WWOX: variants seen among roughly 807,000 people sequenced by gnomAD.
WWOX encodes WW domain containing oxidoreductase, also known as WW domain-containing oxidoreductase.
Under a neutral mutation model 46.2 loss-of-function variants are expected in WWOX, and 69 were observed. The ratio of observed to expected loss-of-function variants is 1.49; its 90% CI spans 1.23 to 1.82. The LOEUF (loss-of-function observed/expected upper bound fraction) is 1.82. WWOX is among the 40% of genes most tolerant of loss of function. WWOX has a pLI of 0.00. For missense variants in WWOX, 919 were observed against 542.6 expected (o/e 1.69, Z -6.89); for synonymous variants, 359 against 202.6 (o/e 1.77, Z -6.56).
intron 8 of WWOX, among the ~76,000 whole-genome samples, chr16:79,157,511 A>G (rs976140640): frequency 3.1e-4 from 47 of 152,194 alleles, no homozygotes; most frequent in African/African-American, 8.9e-4. Flanking sequence ...GTTGAAGTCA[A>G]TCACATCTCT....
At chr16:78,216,293 A>G (rs937675763) in intron 5 of WWOX, among the ~76,000 whole-genome samples, 2 of 152,208 alleles carry the variant, frequency 1.3e-5, no homozygotes, top group African/African-American at 2.4e-5. Flanking sequence ...GTAAATCAAC[A>G]CTTTGAACAC....
chr16:78,271,678 C>T (rs150350355), intron 5 of WWOX, among the ~76,000 whole-genome samples: 1,744 of 152,266 alleles, frequency 0.011, 37 homozygotes, highest in African/African-American at 0.04. Flanking sequence ...TTTATCTTTA[C>T]TTCCTGGTCA....
intron 8 of WWOX, among the ~76,000 whole-genome samples, chr16:79,161,040 G>A (rs145847561): frequency 2.0e-3 from 308 of 152,176 alleles, no homozygotes; most frequent in South Asian, 5.0e-3. Flanking sequence ...TCTGACTATG[G>A]CAACACTGCT....
At chr16:79,014,452 C>T (rs564626770) in intron 8 of WWOX, among the ~76,000 whole-genome samples, 7 of 152,242 alleles carry the variant, frequency 4.6e-5, no homozygotes, top group Admixed American at 6.5e-5. Flanking sequence ...CTCAATTTTC[C>T]GTGGTATGAA....
chr16:78,503,475 A>G (rs1283925843), intron 8 of WWOX, among the ~76,000 whole-genome samples: 1 of 152,110 alleles, frequency 6.6e-6, no homozygotes, highest in Non-Finnish European at 1.5e-5. Flanking sequence ...TTTTTGATCA[A>G]GGTGATTTTG....
At chr16:78,978,730 T>C (rs1191286552) in intron 8 of WWOX, among the ~76,000 whole-genome samples, 1 of 151,966 alleles carries the variant, frequency 6.6e-6, no homozygotes, top group East Asian at 1.9e-4. Flanking sequence ...CTACACACTT[T>C]TCAACCACCG....
chr16:78,439,597 A>C (rs1008813395), intron 8 of WWOX, among the ~76,000 whole-genome samples: 13 of 152,232 alleles, frequency 8.5e-5, no homozygotes, highest in African/African-American at 2.9e-4. Context: ...GTTGTATTCA[A>C]ACTGCAGCCT....
At chr16:78,165,331 G>A (rs556182403) in intron 5 of WWOX, among the ~76,000 whole-genome samples, 17 of 152,324 alleles carry the variant, frequency 1.1e-4, no homozygotes, top group African/African-American at 2.6e-4. Context: ...GACAACAGAC[G>A]TTGCCACTGT....
intron 8 of WWOX, among the ~76,000 whole-genome samples, chr16:78,894,814 G>A (rs1046903668): frequency 1.3e-5 from 2 of 152,112 alleles, no homozygotes; most frequent in Non-Finnish European, 2.9e-5. Context: ...CCCCAAGACC[G>A]GCTTCAGTTT....
intron 6 of WWOX, among the ~76,000 whole-genome samples, chr16:78,417,320 T>A (rs2082820969): frequency 6.6e-6 from 1 of 152,140 alleles, no homozygotes; most frequent in Non-Finnish European, 1.5e-5. Context: ...CTTGAACCCC[T>A]GAGTCCAAAA....
At chr16:78,144,466 C>CATAT (rs1567596354) in intron 4 of WWOX, among the ~76,000 whole-genome samples, 2 of 14,370 alleles carry the variant, frequency 1.4e-4, no homozygotes, top group African/African-American at 4.6e-4. Context: ...TATATATACA[C>CATAT]ACATATATAT....
At chr16:78,892,789 C>T (rs78152907) in intron 8 of WWOX, among the ~76,000 whole-genome samples, 4,286 of 152,244 alleles carry the variant, frequency 0.028, 137 homozygotes, top group East Asian at 0.089. Flanking sequence ...TTGTTAGCCA[C>T]GATTTGGACC....
intron 8 of WWOX, among the ~76,000 whole-genome samples, chr16:78,600,078 A>T (rs971881892): frequency 7.2e-5 from 11 of 152,170 alleles, no homozygotes; most frequent in African/African-American, 2.7e-4. Context: ...CATGGTTGGC[A>T]GCAGGCAAAG....
chr16:78,870,367 G>C (rs2044100121), intron 8 of WWOX, among the ~76,000 whole-genome samples: 1 of 151,842 alleles, frequency 6.6e-6, no homozygotes, highest in African/African-American at 2.4e-5. Flanking sequence ...TCCATTAAAG[G>C]ACATCTCCCC....
chr16:78,701,231 T>C (rs1017185026), intron 8 of WWOX, among the ~76,000 whole-genome samples: 2 of 152,170 alleles, frequency 1.3e-5, no homozygotes, highest in Non-Finnish European at 2.9e-5. Flanking sequence ...ACTTTACATG[T>C]ACATGTAAAG....
rs560625053 is a variant in WWOX at position 78,316,453 on chromosome 16, C to T, written c.517-70407C>T. On this transcript the variant is annotated intron_variant, in intron 5 of 8. Transcript: ENST00000566780. ...ACCCCCCTGGGTTCAAGCGATTCTC[C>T]TGCCTCAGGCTCCTGAGTAGCTGGG... Among the ~76,000 whole-genome samples the T allele has an allele frequency of 4.6e-5, 7 of 152,194 alleles. No individual in the cohort carries two copies. The East Asian group carries it at 1.4e-3, about 30-fold the overall frequency.
At chr16:78,291,722 A>T (rs533591193) in intron 5 of WWOX, among the ~76,000 whole-genome samples, 44 of 145,490 alleles carry the variant, frequency 3.0e-4, no homozygotes, top group Non-Finnish European at 3.4e-4. Flanking sequence ...AAAAATAAAT[A>T]AAAAAAAAGC....
At chr16:78,251,368 C>T (rs1275247076) in intron 5 of WWOX, among the ~76,000 whole-genome samples, 1 of 152,164 alleles carries the variant, frequency 6.6e-6, no homozygotes, top group Non-Finnish European at 1.5e-5. Flanking sequence ...GTCATCTTCC[C>T]TAGGCTTTGG....
chr16:78,629,608 A>C (rs1465985617), intron 8 of WWOX, among the ~76,000 whole-genome samples: 2 of 152,172 alleles, frequency 1.3e-5, no homozygotes, highest in Non-Finnish European at 1.5e-5. Flanking sequence ...CTTACTTTGT[A>C]CCACTTTCCC....
Sources: allele counts gnomAD v4.1 joint callset (sites outside exome capture counted in the v4.1 genomes callset), GRCh38; gene constraint gnomAD v4.1.1; transcripts MANE v1.5; gene names NCBI Gene and HGNC (gene_info 2026-07-23, HGNC 2026-07-21).